The following PCDHGB7 variants were observed in gnomAD, a reference collection of about 807,000 sequenced individuals.
The protein encoded by PCDHGB7 is protocadherin gamma subfamily B, 7.
A neutral mutation model predicts 61.4 loss-of-function variants in PCDHGB7; 37 were observed. The observed-to-expected ratio is 0.60, with a 90% CI of 0.46 to 0.79. The LOEUF is 0.79. PCDHGB7 is among the 30% of genes least tolerant of loss of function. The pLI is 0.00. For missense variants in PCDHGB7, 1,166 were observed against 1,202.5 expected (o/e 0.97, Z 0.45); for synonymous variants, 464 against 503.5 (o/e 0.92, Z 1.05).
rs1456176347 is a variant in PCDHGB7 at position 141,510,961 on chromosome 5, A to G, written c.2578A>G (p.Ser860Gly). 2 of 1,613,986 alleles carry G rather than the reference A, an allele frequency of 1.2e-6. No individual in the cohort carries two copies. Among genetic ancestry groups the G allele is most frequent in the Non-Finnish European group, 1.7e-6 (2 of 1,179,962 alleles). ...TGTCTCTGCAGAAGCTGCTGATGGG[A>G]GCTCCACCCTGGGAGGGGGTGCCGG... is the stretch of plus-strand genomic sequence containing the variant. Reference protein sequence around the residue: ...LASASEAADGSSTLGGGAGTM... With the variant: ...LASASEAADGGSTLGGGAGTM... Residue 860 changes from serine (S) to glycine (G), a missense_variant, in exon 4 of 4, where the codon AGC (serine) becomes GGC (glycine). Physicochemically the swap from Ser to Gly is moderately conservative, Grantham distance 56. Coordinates refer to ENST00000398594, the MANE Select transcript of PCDHGB7 (RefSeq NM_018927.4).
At position 141,431,590 on chromosome 5, in the gene PCDHGB7, G is replaced by A; in HGVS notation, c.2415+11316G>A. On this transcript the variant is annotated intron_variant, in intron 1 of 3. Transcript: ENST00000398594. The surrounding 1 kb of genome is among the most constrained non-coding windows in gnomAD (Gnocchi z 4.8). ...CTGACGAAGGAGTCAATGCGGAAGT[G>A]AGGTATTCCTTCCGGTATGTGGACG... 1.2e-6 allele frequency: 2 copies of A among 1,614,240 alleles called. No homozygotes were observed. Among genetic ancestry groups the A allele is most frequent in the South Asian group, 1.1e-5 (1 of 91,090 alleles).
rs1356654620 is a variant in PCDHGB7 at position 141,490,430 on chromosome 5, TTAA to T, written c.2416-4376_2416-4374del. On this transcript the variant is annotated intron_variant, in intron 1 of 3. Coordinates refer to ENST00000398594, the MANE Select transcript of PCDHGB7 (RefSeq NM_018927.4). The surrounding 1 kb of genome is among the most constrained non-coding windows in gnomAD (Gnocchi z 5.4). ...ATCTCTCCGGACCTGCCATTTCAGA[TTAA>T]GCCTTCTGAGAACCACTACTCGCTG... 1 of 1,614,162 alleles carries T rather than the reference TTAA, an allele frequency of 6.2e-7. No individual in the cohort carries two copies.
intron 1 of PCDHGB7, among the ~76,000 whole-genome samples, chr5:141,464,964 A>G (rs1433148254): frequency 6.6e-6 from 1 of 152,030 alleles, no homozygotes; most frequent in Non-Finnish European, 1.5e-5. Flanking sequence ...CTTGTCTTGA[A>G]CTACTGGCTT....
chr5:141,427,807 A>T (rs1443881781), intron 1 of PCDHGB7: 2 of 1,521,932 alleles, frequency 1.3e-6, no homozygotes, highest in East Asian at 2.3e-5. Flanking sequence ...GTGAGCGCAC[A>T]GAGCGGGGTG....
chr5:141,475,984 G>C (rs1282216343), intron 1 of PCDHGB7: 1 of 1,069,308 alleles, frequency 9.4e-7, no homozygotes, highest in Non-Finnish European at 1.3e-6. Flanking sequence ...AACAGCCGGC[G>C]AGCAAATCAA....
rs2154594676 is a variant in PCDHGB7, at chr5:141,511,333, G to A, written c.*160G>A. 6.9e-7 allele frequency: 1 copy of A among 1,441,948 alleles called. No homozygotes were observed. Among genetic ancestry groups the A allele is most frequent in the Non-Finnish European group, 9.2e-7 (1 of 1,085,894 alleles). The allele number at this position is 1,441,948 out of a possible 1,614,324, so 89.3% of individuals were successfully genotyped here. On this transcript the variant is annotated 3_prime_UTR_variant, in exon 4 of 4. Transcript: ENST00000398594. Reference sequence around the variant, plus strand: ...GGAAACAGAAACAAGTGCCCAGTCAGCACCTACCCCTTCCCCCCCAGGGGG... The same window carrying A: ...GGAAACAGAAACAAGTGCCCAGTCAACACCTACCCCTTCCCCCCCAGGGGG...
intron 1 of PCDHGB7, chr5:141,478,217 G>A: frequency 2.5e-6 from 4 of 1,614,094 alleles, no homozygotes. Flanking sequence ...TCTAATCCTG[G>A]TTTCTGTGGG....
intron 1 of PCDHGB7, chr5:141,427,842 C>T: frequency 6.5e-7 from 1 of 1,549,268 alleles, no homozygotes. Flanking sequence ...TGCCTTCGAC[C>T]ACGAGCAGCT....
chr5:141,501,323 A>G (rs2099807887), intron 2 of PCDHGB7, among the ~76,000 whole-genome samples: 1 of 151,850 alleles, frequency 6.6e-6, no homozygotes, highest in East Asian at 1.9e-4. Flanking sequence ...ACACACACAC[A>G]CACACACACA....
At chr5:141,503,743 G>C (rs1465272424) in intron 2 of PCDHGB7, among the ~76,000 whole-genome samples, 1 of 152,126 alleles carries the variant, frequency 6.6e-6, no homozygotes, top group Non-Finnish European at 1.5e-5. Context: ...TGATGGTATA[G>C]AGGTCACACA....
rs2097372368 is a variant in PCDHGB7 at position 141,431,422 on chromosome 5, G to A, written c.2415+11148G>A. On this transcript the variant is annotated intron_variant, in intron 1 of 3. Coordinates refer to ENST00000398594, the MANE Select transcript of PCDHGB7 (RefSeq NM_018927.4). This position sits in a 1 kb window ranked among gnomAD's most constrained non-coding sequence, Gnocchi z 4.8. ...CGGCCTCCGACGGGGGCGACCCGGTGCGCACAGGCACCGCGCGCATCCGCG... is the reference window on the plus strand; with the variant it reads ...CGGCCTCCGACGGGGGCGACCCGGTACGCACAGGCACCGCGCGCATCCGCG... 6.2e-7 allele frequency: 1 copy of A among 1,613,710 alleles called. No individual in the cohort carries two copies. The highest frequency in any genetic ancestry group is 2.2e-5 in the East Asian group (1 of 44,882).
At position 141,499,506 on chromosome 5, in the gene PCDHGB7, CA is replaced by C. The variant is rs759983739; in HGVS notation, c.2474+4644del. Among the ~76,000 whole-genome samples, 6 of 152,086 alleles carry C rather than the reference CA, an allele frequency of 3.9e-5. No homozygotes were observed. The South Asian group carries it at 1.0e-3, about 26-fold the overall frequency. On this transcript the variant is annotated intron_variant, in intron 2 of 3. Coordinates refer to ENST00000398594, the MANE Select transcript of PCDHGB7 (RefSeq NM_018927.4). Reference sequence around the variant, plus strand: ...AACTACAGTTTAATATGAAACATTTCAAATATGTACAAAAGTAGAGAGAATG... The same window carrying C: ...AACTACAGTTTAATATGAAACATTTCAATATGTACAAAAGTAGAGAGAATG...
chr5:141,490,473 T>C lies in PCDHGB7; in HGVS notation c.2416-4334T>C. 6.2e-7 allele frequency: 1 copy of C among 1,614,228 alleles called. No homozygotes were observed. Among genetic ancestry groups the C allele is most frequent in the East Asian group, 2.2e-5 (1 of 44,878 alleles). On this transcript the variant is annotated intron_variant, in intron 1 of 3. Transcript: ENST00000398594. This position sits in a 1 kb window ranked among gnomAD's most constrained non-coding sequence, Gnocchi z 5.4. ...ACTACTCGCTGCTAACCAGCCAGCC[T>C]TTGGACCGGGAGGCCACATCCCACT...
intron 1 of PCDHGB7, among the ~76,000 whole-genome samples, chr5:141,467,854 T>C (rs1337373000): frequency 6.6e-6 from 1 of 151,968 alleles, no homozygotes; most frequent in Admixed American, 6.6e-5. Flanking sequence ...GAATGAGATT[T>C]CACCATGTTG....
rs558951022 is a variant in PCDHGB7 at position 141,501,554 on chromosome 5, C to T, written c.2475-3839C>T. On this transcript the variant is annotated intron_variant, in intron 2 of 3. Coordinates refer to ENST00000398594, the MANE Select transcript of PCDHGB7 (RefSeq NM_018927.4). ...CGTTGTTGTGCATAAGATCATAGGC[C>T]CTGGAATCATATTAGGCTGGCTTTC... is the stretch of plus-strand genomic sequence containing the variant. Among the ~76,000 whole-genome samples the T allele has an allele frequency of 3.3e-5, 5 of 152,044 alleles. No homozygotes were observed. In the East Asian group the frequency reaches 7.8e-4, roughly 24 times the overall value.
At chr5:141,509,096 T>C (rs1364889034) in intron 3 of PCDHGB7, among the ~76,000 whole-genome samples, 1 of 152,124 alleles carries the variant, frequency 6.6e-6, no homozygotes, top group African/African-American at 2.4e-5. Context: ...ATGGGGGCTG[T>C]AGAAACCTGA....
At chr5:141,470,795 C>T (rs947636574) in intron 1 of PCDHGB7, among the ~76,000 whole-genome samples, 2 of 152,182 alleles carry the variant, frequency 1.3e-5, no homozygotes, top group Non-Finnish European at 2.9e-5. Context: ...TCAAGCAATC[C>T]TCCCACTTCA....
intron 1 of PCDHGB7, among the ~76,000 whole-genome samples, chr5:141,459,742 T>C (rs2098974738): frequency 6.6e-6 from 1 of 152,248 alleles, no homozygotes; most frequent in Non-Finnish European, 1.5e-5. Context: ...TTTTAAATTT[T>C]AGCAATTCTA....
At chr5:141,462,497 T>C (rs1333421053) in intron 1 of PCDHGB7, among the ~76,000 whole-genome samples, 1 of 152,244 alleles carries the variant, frequency 6.6e-6, no homozygotes, top group Non-Finnish European at 1.5e-5. Flanking sequence ...TATCCTATAA[T>C]TGTCAACTAG....
Sources: allele counts gnomAD v4.1 joint callset (sites outside exome capture counted in the v4.1 genomes callset), GRCh38; gene constraint gnomAD v4.1.1; non-coding constraint Gnocchi (gnomAD v3.1); transcripts MANE v1.5; gene names NCBI Gene and HGNC (gene_info 2026-07-23, HGNC 2026-07-21).